The following ASPH variants were observed in gnomAD, a reference collection of about 807,000 sequenced individuals.
The protein encoded by ASPH is aspartyl/asparaginyl beta-hydroxylase.
In ASPH, 100 loss-of-function variants were observed where a neutral mutation model predicts 118.4. The ratio of observed to expected loss-of-function variants is 0.84; its 90% confidence interval spans 0.72 to 1.00. The LOEUF (loss-of-function observed/expected upper bound fraction) is 1.00. ASPH is among the 50% of genes least tolerant of loss of function. ASPH has a pLI of 0.00. For missense variants in ASPH, 920 were observed against 919.5 expected, an observed-to-expected ratio of 1.00 and a Z score of -0.01; for synonymous variants, 315 against 325.6, an observed-to-expected ratio of 0.97 and a Z score of 0.35.
At chr8:61,671,998 TC>T (rs1822790950) in intron 3 of ASPH, among the ~76,000 whole-genome samples, 1 of 152,222 alleles carries the variant, frequency 6.6e-6, no homozygotes, top group Admixed American at 6.5e-5. Flanking sequence ...TCTCACCATT[TC>T]TAGTGAGACC....
At chr8:61,669,766 C>T (rs1023357810) in intron 3 of ASPH, among the ~76,000 whole-genome samples, 1 of 152,116 alleles carries the variant, frequency 6.6e-6, no homozygotes, top group Non-Finnish European at 1.5e-5. Context: ...CCTATTAAAA[C>T]GTAGAGTGAG....
chr8:61,704,170 G>A (rs1187381521), intron 1 of ASPH, among the ~76,000 whole-genome samples: 1 of 112,378 alleles, frequency 8.9e-6, no homozygotes, highest in Non-Finnish European at 1.7e-5. Flanking sequence ...ACTCCAGCCT[G>A]GGCGACAGAG....
chr8:61,712,502 G>C (rs1003168131), intron 1 of ASPH, among the ~76,000 whole-genome samples: 3 of 152,084 alleles, frequency 2.0e-5, no homozygotes, highest in Non-Finnish European at 2.9e-5. Flanking sequence ...TTCGTATCAC[G>C]GGCATTCCTC....
In ASPH at chr8:61,714,503, C is replaced by G. The variant is rs1332135385; in HGVS notation, c.-132G>C. The G allele has an allele frequency of 1.5e-6, 2 of 1,290,638 alleles. No homozygotes were observed. The highest frequency in any genetic ancestry group is 4.0e-5 in the Admixed American group (1 of 24,996). The allele number at this position is 1,290,638 out of a possible 1,614,324, so 79.9% of individuals were successfully genotyped here. A position where few individuals can be genotyped will look rare whatever the true frequency, so the allele number is the denominator to read the frequency against. ...CGGGCCGCTGCTCCTGCAGCAGACCCTGTGCCTCAGCACCGCCTGCAGCAC... is the reference window on the plus strand; with the variant it reads ...CGGGCCGCTGCTCCTGCAGCAGACCGTGTGCCTCAGCACCGCCTGCAGCAC... On this transcript the variant is annotated 5_prime_UTR_variant, in exon 1 of 25. Transcript: ENST00000379454.
In ASPH at chr8:61,535,873, T is replaced by C. The variant is rs115928070; in HGVS notation, c.1765-9761A>G. 3.2e-3 allele frequency among the ~76,000 whole-genome samples: 488 copies of C among 152,290 alleles called. 5 individuals carry two copies. The highest frequency in any genetic ancestry group is 0.011 in the African/African-American group (456 of 41,560). On this transcript the variant is annotated intron_variant, in intron 21 of 24. Transcript: ENST00000379454. Reference sequence around the variant, plus strand: ...GACGAGGTTATTACATCAAACACCATGGGACTGTAATGCTATTGCAGCAAA... The same window carrying C: ...GACGAGGTTATTACATCAAACACCACGGGACTGTAATGCTATTGCAGCAAA...
chr8:61,561,553 A>G (rs926371848), intron 18 of ASPH, among the ~76,000 whole-genome samples: 3 of 152,254 alleles, frequency 2.0e-5, no homozygotes, highest in Admixed American at 6.5e-5. Context: ...CAATACACAG[A>G]GGAAAGTACC....
intron 24 of ASPH, among the ~76,000 whole-genome samples, chr8:61,516,372 C>T (rs1810917547): frequency 6.6e-6 from 1 of 152,132 alleles, no homozygotes; most frequent in African/African-American, 2.4e-5. Context: ...AGCAGACACA[C>T]CTTGCTAGGT....
At chr8:61,615,661 C>T (rs1184544651) in intron 14 of ASPH, among the ~76,000 whole-genome samples, 1 of 152,142 alleles carries the variant, frequency 6.6e-6, no homozygotes, top group Admixed American at 6.5e-5. Flanking sequence ...CATTTTGTGA[C>T]CATGGGCTAT....
chr8:61,517,582 A>T lies in ASPH; in HGVS notation c.2072T>A (p.Leu691Gln). 2 of 1,614,176 alleles carry T rather than the reference A, an allele frequency of 1.2e-6. No homozygotes were observed. The change falls in exon 24 of 25, where the codon CTG (leucine) becomes CAG (glutamine). Residue 691 changes from leucine to glutamine, a missense_variant. Physicochemically the swap from Leu to Gln is moderately radical, Grantham distance 113. Coordinates refer to ENST00000379454, the MANE Select transcript of ASPH (RefSeq NM_004318.4). ...GCCTTCCTTGGGAATCACCAAGCCCAGGTGCATTCGGAGCCTGCAGTTTGT... is the reference window on the plus strand; with the variant it reads ...GCCTTCCTTGGGAATCACCAAGCCCTGGTGCATTCGGAGCCTGCAGTTTGT... Reference protein sequence around the residue: ...GPTNCRLRMHLGLVIPKEGCK... With the variant: ...GPTNCRLRMHQGLVIPKEGCK...
At chr8:61,685,703 A>T (rs1243882823) in intron 1 of ASPH, among the ~76,000 whole-genome samples, 1 of 152,140 alleles carries the variant, frequency 6.6e-6, no homozygotes, top group Non-Finnish European at 1.5e-5. Context: ...GTTTTTCAAA[A>T]GGGGCCATAA....
At chr8:61,558,177 C>G (rs773223576) in intron 18 of ASPH, among the ~76,000 whole-genome samples, 1 of 152,078 alleles carries the variant, frequency 6.6e-6, no homozygotes, top group Non-Finnish European at 1.5e-5. Flanking sequence ...TATAGATAGG[C>G]ACGAAGCATG....
chr8:61,558,926 C>T (rs988244944), intron 18 of ASPH, among the ~76,000 whole-genome samples: 4 of 152,192 alleles, frequency 2.6e-5, no homozygotes, highest in Non-Finnish European at 5.9e-5. Flanking sequence ...CCTCCTCTTC[C>T]TCGGCCTAGT....
chr8:61,522,370 G>A (rs117015909), intron 22 of ASPH, among the ~76,000 whole-genome samples: 2 of 152,308 alleles, frequency 1.3e-5, no homozygotes, highest in Non-Finnish European at 2.9e-5. Flanking sequence ...AAATTAAGGT[G>A]TGGCCAGGCT....
intron 24 of ASPH, among the ~76,000 whole-genome samples, chr8:61,503,899 T>C (rs1805449263): frequency 6.6e-6 from 1 of 152,208 alleles, no homozygotes; most frequent in African/African-American, 2.4e-5. Flanking sequence ...TCAATTGTCT[T>C]TTCAGCTCAC....
intron 14 of ASPH, among the ~76,000 whole-genome samples, chr8:61,615,417 A>ATT (rs1235504412): frequency 6.6e-6 from 1 of 152,044 alleles, no homozygotes; most frequent in Non-Finnish European, 1.5e-5. Flanking sequence ...TGCCTCTTAT[A>ATT]TTTTAATTTT....
chr8:61,611,330 T>A (rs543651531), intron 14 of ASPH, among the ~76,000 whole-genome samples: 15 of 152,278 alleles, frequency 9.9e-5, no homozygotes, highest in Non-Finnish European at 1.9e-4. Context: ...TTAAAAGGGA[T>A]TATGGTAAAA....
chr8:61,636,213 A>G lies in ASPH; in HGVS notation c.889+1734T>C, dbSNP rs73267240. 5.6e-3 allele frequency among the ~76,000 whole-genome samples: 851 copies of G among 152,316 alleles called. 8 individuals are homozygous for G. The highest frequency in any genetic ancestry group is 0.02 in the African/African-American group (812 of 41,566). On this transcript the variant is annotated intron_variant, in intron 12 of 24. Transcript: ENST00000379454. Reference sequence around the variant, plus strand: ...GTGAAAGATGGGTTTGGAGGGGACAAGAACAGAATCAAGATGTCTAGCTAG... The same window carrying G: ...GTGAAAGATGGGTTTGGAGGGGACAGGAACAGAATCAAGATGTCTAGCTAG...
chr8:61,665,624 TAAA>T, intron 3 of ASPH: 2 of 1,545,526 alleles, frequency 1.3e-6, no homozygotes, highest in Non-Finnish European at 1.7e-6. Flanking sequence ...ATTTTCCAAT[TAAA>T]GGAAAAAATG....
intron 3 of ASPH, among the ~76,000 whole-genome samples, chr8:61,680,095 A>G (rs1185736909): frequency 6.6e-6 from 1 of 151,786 alleles, no homozygotes; most frequent in Non-Finnish European, 1.5e-5. Context: ...CTAGTTACAG[A>G]TGTGGCATCC....
Sources: gnomAD v4.1 joint callset for allele counts (sites outside exome capture counted in the v4.1 genomes callset) on GRCh38, gnomAD v4.1.1 for gene constraint, MANE v1.5 for transcripts, NCBI Gene and HGNC (gene_info 2026-07-23, HGNC 2026-07-21) for gene names.